Variants in BANK1 observed in about 807,000 individuals in gnomAD.
The protein encoded by BANK1 is B cell scaffold protein with ankyrin repeats 1, also known as B-cell scaffold protein with ankyrin repeats.
A neutral mutation model predicts 94.5 loss-of-function variants in BANK1; 95 were observed. The ratio of observed to expected loss-of-function variants is 1.00; its 90% CI spans 0.85 to 1.19. The LOEUF (loss-of-function observed/expected upper bound fraction) is 1.19. BANK1 is among the 50% of genes most tolerant of loss of function. BANK1 has a pLI of 0.00. For missense variants in BANK1, 987 were observed against 932.2 expected (o/e 1.06, Z -0.77); for synonymous variants, 334 against 308.4 (o/e 1.08, Z -0.87).
chr4:101,890,745 GTTAC>G (rs560175788), intron 5 of BANK1, among the ~76,000 whole-genome samples: 103 of 142,666 alleles, frequency 7.2e-4, no homozygotes, highest in Non-Finnish European at 1.1e-3. Context: ...TTTCCTGTGT[GTTAC>G]TTATTTTTTT....
At chr4:101,962,871 A>G (rs908336259) in intron 7 of BANK1, among the ~76,000 whole-genome samples, 2 of 151,922 alleles carry the variant, frequency 1.3e-5, no homozygotes, top group African/African-American at 2.4e-5. Context: ...ATTAAAAGCA[A>G]TGCTACAATT....
chr4:101,931,204 A>G (rs1020949303), intron 7 of BANK1, among the ~76,000 whole-genome samples: 1 of 151,526 alleles, frequency 6.6e-6, no homozygotes, highest in Non-Finnish European at 1.5e-5. Flanking sequence ...GGATGCCCAA[A>G]TATTTGGTCA....
At chr4:102,054,712 G>A (rs74585283) in intron 11 of BANK1, among the ~76,000 whole-genome samples, 7,029 of 152,156 alleles carry the variant, frequency 0.046, 457 homozygotes, top group African/African-American at 0.14. Context: ...GCAGTTAGTC[G>A]GTTACTTACC....
chr4:102,022,263 C>A (rs1000563825), intron 8 of BANK1, among the ~76,000 whole-genome samples: 6 of 152,114 alleles, frequency 3.9e-5, no homozygotes, highest in African/African-American at 1.2e-4. Context: ...CAAACCTCTC[C>A]ACCTGCTGAC....
intron 1 of BANK1, among the ~76,000 whole-genome samples, chr4:101,796,764 A>C (rs1196653694): frequency 6.6e-6 from 1 of 152,176 alleles, no homozygotes; most frequent in Non-Finnish European, 1.5e-5. Context: ...TACTTATCTG[A>C]AAATTTTATA....
At chr4:101,899,048 T>G (rs893297653) in intron 6 of BANK1, among the ~76,000 whole-genome samples, 3 of 152,048 alleles carry the variant, frequency 2.0e-5, no homozygotes, top group African/African-American at 7.2e-5. Flanking sequence ...TTTGAGATAT[T>G]TTTCCAGTAT....
intron 5 of BANK1, among the ~76,000 whole-genome samples, chr4:101,891,983 C>T (rs1346411902): frequency 6.6e-6 from 1 of 151,848 alleles, no homozygotes; most frequent in Non-Finnish European, 1.5e-5. Context: ...ATAATTCTAA[C>T]ATCTTTGTCC....
At chr4:101,920,076 A>G (rs1328346288) in intron 7 of BANK1, among the ~76,000 whole-genome samples, 2 of 151,980 alleles carry the variant, frequency 1.3e-5, no homozygotes, top group African/African-American at 2.4e-5. Context: ...TGACACTGTC[A>G]TGGATGAAGC....
chr4:101,808,052 A>T (rs996780739), intron 1 of BANK1, among the ~76,000 whole-genome samples: 2 of 150,594 alleles, frequency 1.3e-5, no homozygotes, highest in Non-Finnish European at 3.0e-5. Flanking sequence ...ACGCCACTGC[A>T]CTCCAGCCGG....
intron 6 of BANK1, among the ~76,000 whole-genome samples, chr4:101,907,657 C>T (rs1722500301): frequency 6.6e-6 from 1 of 152,208 alleles, no homozygotes; most frequent in African/African-American, 2.4e-5. Flanking sequence ...TAGAAAACCC[C>T]ATCATCTCAG....
intron 5 of BANK1, among the ~76,000 whole-genome samples, chr4:101,871,672 G>A (rs1350889257): frequency 6.6e-6 from 1 of 152,116 alleles, no homozygotes; most frequent in Non-Finnish European, 1.5e-5. Flanking sequence ...TCCAAAGCAA[G>A]TAGAAAAGTA....
At chr4:101,969,169 G>A (rs1724865206) in intron 7 of BANK1, among the ~76,000 whole-genome samples, 1 of 152,042 alleles carries the variant, frequency 6.6e-6, no homozygotes, top group South Asian at 2.1e-4. Flanking sequence ...AGAGAACAGG[G>A]TCAGACCAGA....
chr4:101,824,767 A>G (rs916546661), intron 1 of BANK1, among the ~76,000 whole-genome samples: 2 of 151,882 alleles, frequency 1.3e-5, no homozygotes, highest in African/African-American at 4.8e-5. Flanking sequence ...ATCTTTTTCC[A>G]TTATGCACAA....
chr4:101,881,443 A>G lies in BANK1; in HGVS notation c.903+10799A>G, dbSNP rs184488547. 5.9e-4 allele frequency among the ~76,000 whole-genome samples: 90 copies of G among 152,242 alleles called. 1 individual carries two copies. The highest frequency in any genetic ancestry group is 1.1e-3 in the Non-Finnish European group (74 of 67,960). ...AGACAGGCAATAACAAATGCTGGTG[A>G]GGATGTGGAGAAAACTGTTTGTCGG... On this transcript the variant is annotated intron_variant, in intron 5 of 16. Coordinates refer to ENST00000322953, the MANE Select transcript of BANK1 (RefSeq NM_017935.5).
At chr4:101,874,687 C>A (rs897354324) in intron 5 of BANK1, among the ~76,000 whole-genome samples, 2 of 152,136 alleles carry the variant, frequency 1.3e-5, no homozygotes, top group African/African-American at 4.8e-5. Flanking sequence ...CTTTCACAGG[C>A]GCATCTTTTC....
At chr4:101,908,791 C>G (rs1722556918) in intron 6 of BANK1, among the ~76,000 whole-genome samples, 1 of 152,188 alleles carries the variant, frequency 6.6e-6, no homozygotes, top group Non-Finnish European at 1.5e-5. Context: ...ATGCAGCCAA[C>G]AGACACATGA....
intron 7 of BANK1, among the ~76,000 whole-genome samples, chr4:102,001,549 G>A (rs996320216): frequency 6.6e-6 from 1 of 152,154 alleles, no homozygotes; most frequent in Non-Finnish European, 1.5e-5. Flanking sequence ...GCAGTGAGCC[G>A]AGATTGTGCC....
At chr4:101,968,912 A>G (rs1724854146) in intron 7 of BANK1, among the ~76,000 whole-genome samples, 1 of 152,116 alleles carries the variant, frequency 6.6e-6, no homozygotes, top group South Asian at 2.1e-4. Context: ...GAGAATGGGA[A>G]CACCCAAAGG....
chr4:101,941,739 G>A (rs1284868150), intron 7 of BANK1, among the ~76,000 whole-genome samples: 1 of 130,914 alleles, frequency 7.6e-6, no homozygotes, highest in Non-Finnish European at 1.8e-5. Context: ...TCAGATGTGT[G>A]TGTACACACA....
Sources: allele counts gnomAD v4.1 joint callset (sites outside exome capture counted in the v4.1 genomes callset), GRCh38; gene constraint gnomAD v4.1.1; transcripts MANE v1.5; gene names NCBI Gene and HGNC (gene_info 2026-07-23, HGNC 2026-07-21).